The following PLCL2 variants were observed in gnomAD, a reference collection of about 807,000 sequenced individuals.
The protein encoded by PLCL2 is inactive phospholipase C-like protein 2.
Under a neutral mutation model 79.6 loss-of-function variants are expected in PLCL2, and 4 were observed. That is an observed-to-expected ratio of 0.05 (90% CI 0.02 to 0.11). The LOEUF is 0.11. PLCL2 is among the 10% of genes least tolerant of loss of function. The pLI, the probability that PLCL2 is intolerant of heterozygous loss-of-function variation, is 1.00. For missense variants in PLCL2, 895 were observed against 1,291.0 expected, an observed-to-expected ratio of 0.69 and a Z score of 4.70; for synonymous variants, 484 against 457.7, an observed-to-expected ratio of 1.06 and a Z score of -0.73.
chr3:17,011,026 C>T lies in PLCL2; in HGVS notation c.1680C>T (p.Val560=). ...VEESYLPSPD[V]LKGKILIKAK... ...AATCTTATCTACCATCCCCAGATGT[C>T]CTGAAAGGGAAAATACTAATTAAAG... is the stretch of plus-strand genomic sequence containing the variant. Residue 560 remains valine, a synonymous_variant, in exon 2 of 6, where the codon GTC becomes GTT. Transcript: ENST00000615277. The surrounding 1 kb of genome is among the most constrained non-coding windows in gnomAD (Gnocchi z 7.9). The T allele has an allele frequency of 6.2e-7, 1 of 1,613,954 alleles. No homozygotes were observed. Among genetic ancestry groups the T allele is most frequent in the Non-Finnish European group, 8.5e-7 (1 of 1,179,988 alleles).
intron 1 of PLCL2, among the ~76,000 whole-genome samples, chr3:16,906,017 G>T (rs1696744187): frequency 6.6e-6 from 1 of 152,020 alleles, no homozygotes; most frequent in African/African-American, 2.4e-5. Context: ...CAGCAGGACT[G>T]CATTAATGAC....
intron 1 of PLCL2, among the ~76,000 whole-genome samples, chr3:16,988,999 A>C (rs1251283601): frequency 6.7e-6 from 1 of 148,848 alleles, no homozygotes; most frequent in Non-Finnish European, 1.5e-5. Flanking sequence ...ATAGATGTCT[A>C]TAACAGAGCT....
At chr3:16,917,739 T>G (rs1321387827) in intron 1 of PLCL2, among the ~76,000 whole-genome samples, 1 of 152,180 alleles carries the variant, frequency 6.6e-6, no homozygotes, top group Admixed American at 6.5e-5. Context: ...GAAGTTACAC[T>G]GAGTCACTTT....
chr3:16,901,179 C>A (rs894266521), intron 1 of PLCL2, among the ~76,000 whole-genome samples: 8 of 152,166 alleles, frequency 5.3e-5, no homozygotes, highest in Admixed American at 1.3e-4. Context: ...CAAGTCAGAC[C>A]TGTTTGTTCC....
chr3:17,030,135 C>T (rs769037719), intron 3 of PLCL2, among the ~76,000 whole-genome samples: 1 of 152,192 alleles, frequency 6.6e-6, no homozygotes, highest in Non-Finnish European at 1.5e-5. Flanking sequence ...CTATGTTACC[C>T]AGGCTGGTCT....
chr3:16,965,918 G>T (rs983992312), intron 1 of PLCL2, among the ~76,000 whole-genome samples: 132 of 152,048 alleles, frequency 8.7e-4, no homozygotes, highest in Non-Finnish European at 1.3e-3. Flanking sequence ...AAGGAGATTT[G>T]GGGCTGAGAC....
rs573522503 is a variant in PLCL2, at chr3:17,014,034, C to T, written c.2815-674C>T. 5.9e-5 allele frequency among the ~76,000 whole-genome samples: 9 copies of T among 152,298 alleles called. No individual in the cohort carries two copies. In the East Asian group the frequency reaches 9.6e-4, roughly 16 times the overall value. ...AGTAAGTGTTCATAGAAGGCCAGCT[C>T]ATGGCATTTTATAGTGTTGAAGGTT... is the stretch of plus-strand genomic sequence containing the variant. On this transcript the variant is annotated intron_variant, in intron 2 of 5. Coordinates refer to ENST00000615277, the MANE Select transcript of PLCL2 (RefSeq NM_001144382.2).
chr3:16,900,121 CTG>C lies in PLCL2; in HGVS notation c.327+14757_327+14758del, dbSNP rs1268584927. On this transcript the variant is annotated intron_variant, in intron 1 of 5. Transcript: ENST00000615277. ...TGTTTTAGTTGCTACCTGGATAAGA[CTG>C]TTGAGATCTTAATCTCAGAGTCTTG... is the stretch of plus-strand genomic sequence containing the variant. Among the ~76,000 whole-genome samples, 10 of 152,298 alleles carry C rather than the reference CTG, an allele frequency of 6.6e-5. No individual in the cohort carries two copies. In the South Asian group the frequency reaches 2.1e-3, roughly 32 times the overall value.
At chr3:17,087,999 A>G (rs1194856325) in intron 5 of PLCL2, among the ~76,000 whole-genome samples, 2 of 152,186 alleles carry the variant, frequency 1.3e-5, no homozygotes, top group East Asian at 3.8e-4. Flanking sequence ...AATTTTCAAC[A>G]TGTGAGTTCA....
chr3:17,045,424 G>A (rs1196645911), intron 4 of PLCL2, among the ~76,000 whole-genome samples: 1 of 152,178 alleles, frequency 6.6e-6, no homozygotes, highest in African/African-American at 2.4e-5. Flanking sequence ...TTTTACATAG[G>A]AACATGCTAT....
At chr3:17,038,920 A>G (rs1012690323) in intron 3 of PLCL2, among the ~76,000 whole-genome samples, 6 of 152,190 alleles carry the variant, frequency 3.9e-5, no homozygotes, top group African/African-American at 1.4e-4. Context: ...ACAGAATACC[A>G]GTTTCATGAC....
rs145597469 is a variant in PLCL2 at position 16,899,471 on chromosome 3, G to C, written c.327+14105G>C. ...GTTCACACCAGAGACCTGGACACTA[G>C]TTGGGGAGCTGGCCTGTGGAGACCA... On this transcript the variant is annotated intron_variant, in intron 1 of 5. Coordinates refer to ENST00000615277, the MANE Select transcript of PLCL2 (RefSeq NM_001144382.2). 4.4e-3 allele frequency among the ~76,000 whole-genome samples: 666 copies of C among 152,336 alleles called. 3 individuals are homozygous for C. The highest frequency in any genetic ancestry group is 9.1e-3 in the South Asian group (44 of 4,824).
chr3:16,898,304 CT>C (rs1038699607), intron 1 of PLCL2, among the ~76,000 whole-genome samples: 29 of 147,552 alleles, frequency 2.0e-4, no homozygotes, highest in Admixed American at 3.4e-4. Flanking sequence ...AATCTACAGC[CT>C]TTTTTTTTTG....
chr3:16,898,393 C>T (rs1696535565), intron 1 of PLCL2, among the ~76,000 whole-genome samples: 1 of 151,868 alleles, frequency 6.6e-6, no homozygotes, highest in Non-Finnish European at 1.5e-5. Context: ...TTAGCCAGAT[C>T]TTACCCATCT....
In PLCL2 at chr3:16,921,632, A is replaced by C. The variant is rs955085967; in HGVS notation, c.327+36266A>C. Among the ~76,000 whole-genome samples the C allele has an allele frequency of 3.9e-5, 6 of 152,328 alleles. No homozygotes were observed. In the East Asian group the frequency reaches 1.2e-3, roughly 29 times the overall value. The stretch of plus-strand genomic sequence containing the variant: ...TGTACTGCTCCCTGTATATTGCAAC[A>C]ATGTGAAATAGAAGTATGGCAGACT... On this transcript the variant is annotated intron_variant, in intron 1 of 5. Transcript: ENST00000615277.
chr3:17,066,266 G>C (rs1365781728), intron 4 of PLCL2, among the ~76,000 whole-genome samples: 1 of 152,176 alleles, frequency 6.6e-6, no homozygotes, highest in Non-Finnish European at 1.5e-5. Flanking sequence ...AATCTTACTA[G>C]TTACTGTTCT....
At chr3:16,956,907 G>A (rs1309102362) in intron 1 of PLCL2, among the ~76,000 whole-genome samples, 1 of 152,008 alleles carries the variant, frequency 6.6e-6, no homozygotes, top group East Asian at 1.9e-4. Context: ...GCATCTATTT[G>A]ATTCTTCTCT....
At chr3:17,059,965 C>T (rs181530295) in intron 4 of PLCL2, among the ~76,000 whole-genome samples, 2 of 151,798 alleles carry the variant, frequency 1.3e-5, no homozygotes, top group Non-Finnish European at 2.9e-5. Context: ...AGGAAAGTAT[C>T]GATGTGAAAG....
intron 1 of PLCL2, among the ~76,000 whole-genome samples, chr3:16,907,799 C>T (rs141293944): frequency 6.6e-6 from 1 of 152,036 alleles, no homozygotes; most frequent in Admixed American, 6.6e-5. Flanking sequence ...AGATTTACTT[C>T]AGGAGTTGTG....
Sources: gnomAD v4.1 joint callset for allele counts (sites outside exome capture counted in the v4.1 genomes callset) on GRCh38, gnomAD v4.1.1 for gene constraint, Gnocchi (gnomAD v3.1) non-coding constraint, MANE v1.5 for transcripts, NCBI Gene and HGNC (gene_info 2026-07-23, HGNC 2026-07-21) for gene names.